ENO4: variants seen among roughly 807,000 people sequenced by gnomAD.
ENO4 encodes the protein enolase 4.
A neutral mutation model predicts 63.2 loss-of-function variants in ENO4; 53 were observed. The observed-to-expected ratio is 0.84, with a 90% CI of 0.67 to 1.05. The LOEUF is 1.05. Among genes scored for constraint, ENO4 ranks in the 50% least tolerant of loss-of-function variants. The pLI is 0.00. For synonymous variants in ENO4, 266 were observed against 283.8 expected, an observed-to-expected ratio of 0.94 and a Z score of 0.63; for missense variants, 719 against 772.0, an observed-to-expected ratio of 0.93 and a Z score of 0.81.
downstream of ENO4, among the ~76,000 whole-genome samples, chr10:116,887,114 G>T (rs147090502): frequency 6.6e-6 from 1 of 152,172 alleles, no homozygotes; most frequent in Admixed American, 6.5e-5. Flanking sequence ...ACTTCAGGAG[G>T]GGGTGGTGGT....
chr10:116,862,807 G>A lies in ENO4; in HGVS notation c.945G>A (p.Glu315=). 3.2e-6 allele frequency: 5 copies of A among 1,549,766 alleles called. No individual in the cohort carries two copies. The highest frequency in any genetic ancestry group is 4.4e-6 in the Non-Finnish European group (5 of 1,146,298). ...HPELTTKQGV[E]MLMEMQKHIN... is the part of the protein sequence containing the mutation. Reference sequence around the variant, plus strand: ...GGTTGTTCTACTTACAGGGTGTCGAGATGCTTATGGAAATGCAGAAACATA... The same window carrying A: ...GGTTGTTCTACTTACAGGGTGTCGAAATGCTTATGGAAATGCAGAAACATA... The change falls in exon 7 of 14, where the codon GAG becomes GAA. Residue 315 remains glutamate (E), a synonymous_variant. Coordinates refer to ENST00000341276, the MANE Select transcript of ENO4 (RefSeq NM_001242699.2).
chr10:116,899,998 A>C (rs1230424826), intron 10 of ENO4, among the ~76,000 whole-genome samples: 1 of 152,248 alleles, frequency 6.6e-6, no homozygotes, highest in Non-Finnish European at 1.5e-5. Flanking sequence ...AAAGGTTTAA[A>C]CATTAAATGA....
rs1846340242 is a variant in ENO4 at position 116,858,975 on chromosome 10, T to A, written c.486-15T>A. On this transcript the variant is annotated splice_polypyrimidine_tract_variant and intron_variant, in intron 3 of 13. Coordinates refer to ENST00000341276, the MANE Select transcript of ENO4 (RefSeq NM_001242699.2). ...TAAATATCCCACTGTAAAGCCATATTTTCTTGCTATTAAGGATATTCTTCG... is the reference window on the plus strand; with the variant it reads ...TAAATATCCCACTGTAAAGCCATATATTCTTGCTATTAAGGATATTCTTCG... 1 of 1,515,738 alleles carries A rather than the reference T, an allele frequency of 6.6e-7. No individual in the cohort carries two copies. Among genetic ancestry groups the A allele is most frequent in the African/African-American group, 1.4e-5 (1 of 72,596 alleles). The allele number at this position is 1,515,738 out of a possible 1,614,324, so 93.9% of individuals were successfully genotyped here.
Position 116,860,963 on chromosome 10 carries a change from GGTTA to G in ENO4, c.804+3_804+6del. 6.5e-7 allele frequency: 1 copy of G among 1,538,042 alleles called. No homozygotes were observed. The highest frequency in any genetic ancestry group is 1.2e-5 in the South Asian group (1 of 82,584). On this transcript the variant is annotated splice_donor_variant and splice_donor_region_variant and intron_variant, in intron 5 of 13. Coordinates refer to ENST00000341276, the MANE Select transcript of ENO4 (RefSeq NM_001242699.2). LOFTEE classifies it high-confidence loss of function. ...ATATCGCTCTACTGAAGCACAATCA[GGTTA>G]GTATCTATGAAGTTCCATTAAAAGG... is the stretch of plus-strand genomic sequence containing the variant.
At chr10:116,891,904 G>C (rs919705753) in intron 10 of ENO4, among the ~76,000 whole-genome samples, 3 of 152,066 alleles carry the variant, frequency 2.0e-5, no homozygotes, top group Non-Finnish European at 4.4e-5. Context: ...CTTCATTTTA[G>C]CTCAAAGAAC....
At chr10:116,855,092 A>C (rs574393394) in intron 1 of ENO4, among the ~76,000 whole-genome samples, 2 of 152,144 alleles carry the variant, frequency 1.3e-5, no homozygotes, top group Non-Finnish European at 2.9e-5. Context: ...CAAGAGATTG[A>C]GACTATCCTG....
chr10:116,849,707 G>A lies in ENO4; in HGVS notation c.141G>A (p.Gln47=), dbSNP rs1226078684. ...EELLNSTFYL[Q]PADVYGHLAN... Reference sequence around the variant, plus strand: ...TGCTCAACTCCACCTTCTACCTCCAGCCTGCCGACGTCTACGGGCACCTGG... The same window carrying A: ...TGCTCAACTCCACCTTCTACCTCCAACCTGCCGACGTCTACGGGCACCTGG... Residue 47 remains glutamine, a synonymous_variant, in exon 1 of 14, where the codon CAG becomes CAA. Coordinates refer to ENST00000341276, the MANE Select transcript of ENO4 (RefSeq NM_001242699.2). The A allele has an allele frequency of 1.1e-5, 17 of 1,535,900 alleles. No individual in the cohort carries two copies. The highest frequency in any genetic ancestry group is 1.4e-5 in the Non-Finnish European group (16 of 1,139,626).
Position 116,881,998 on chromosome 10 carries a change from A to G in ENO4, c.*329A>G. The G allele has an allele frequency of 5.1e-6, 1 of 197,712 alleles. No homozygotes were observed. 12.2% of individuals were successfully genotyped at this position (197,712 alleles called of 1,614,324 possible). On this transcript the variant is annotated 3_prime_UTR_variant, in exon 14 of 14. Transcript: ENST00000341276. ...TCAGTCAAACACCCCATCCTTTACCAATCAGAATATCTCTGAGAACAAAAA... is the reference window on the plus strand; with the variant it reads ...TCAGTCAAACACCCCATCCTTTACCGATCAGAATATCTCTGAGAACAAAAA...
At chr10:116,878,673 CTAATT>C (rs1038880283) in intron 11 of ENO4, among the ~76,000 whole-genome samples, 1 of 150,772 alleles carries the variant, frequency 6.6e-6, no homozygotes, top group South Asian at 2.1e-4. Flanking sequence ...ATGTGTCAAT[CTAATT>C]TGAGCATCCC....
intron 8 of ENO4, among the ~76,000 whole-genome samples, chr10:116,870,548 GGAGGATGACTTCAGCCTGGGGAAGTC>G (rs1241819256): frequency 1.3e-5 from 2 of 152,180 alleles, no homozygotes; most frequent in Non-Finnish European, 1.5e-5. Flanking sequence ...GGTTGAGAAA[GGAGGATGACTTCAGCCTGGGGAAGTC>G]GAGGCTGCAG....
rs1266395769 is a variant in ENO4, at chr10:116,900,787, A to G, written c.1195-10712A>G. The G allele has an allele frequency of 3.0e-6, 3 of 985,266 alleles. No individual in the cohort carries two copies. The African/African-American group carries it at 5.2e-5, about 17-fold the overall frequency. 61.0% of individuals were successfully genotyped at this position (985,266 alleles called of 1,614,324 possible). A position where few individuals can be genotyped will look rare whatever the true frequency, so the allele number is the denominator to read the frequency against. ...AAGGAAACACATGACTACAGGAGAA[A>G]ATGTGCTTTTAAACACAGTGAAATT... is the stretch of plus-strand genomic sequence containing the variant. On this transcript the variant is annotated intron_variant, in intron 10 of 10. Transcript: ENST00000369207.
At chr10:116,856,984 G>C (rs1465733863) in intron 3 of ENO4, among the ~76,000 whole-genome samples, 1 of 125,422 alleles carries the variant, frequency 8.0e-6, no homozygotes, top group East Asian at 2.5e-4. Flanking sequence ...GCGAGACTCT[G>C]TATCAAAAAA....
At chr10:116,901,129 G>T (rs530379525) in intron 10 of ENO4, 1 of 985,262 alleles carries the variant, frequency 1.0e-6, no homozygotes, top group Non-Finnish European at 1.2e-6. Context: ...CCTGGCAAGA[G>T]AACTAAAGCA....
chr10:116,868,626 A>C lies in ENO4; in HGVS notation c.991-24A>C, dbSNP rs1458939871. Reference sequence around the variant, plus strand: ...AGCCATGCTAAAAATTCCAGGTGATACATTTTTATCTTCTGCCCCACAGCC... The same window carrying C: ...AGCCATGCTAAAAATTCCAGGTGATCCATTTTTATCTTCTGCCCCACAGCC... On this transcript the variant is annotated intron_variant, in intron 7 of 13. Transcript: ENST00000341276. The C allele has an allele frequency of 2.6e-6, 4 of 1,549,206 alleles. No homozygotes were observed. In the Admixed American group the frequency reaches 7.8e-5, roughly 30 times the overall value.
At chr10:116,898,080 C>T (rs901358756) in intron 10 of ENO4, among the ~76,000 whole-genome samples, 3 of 152,116 alleles carry the variant, frequency 2.0e-5, no homozygotes, top group Admixed American at 6.5e-5. Flanking sequence ...GTAATCCCAG[C>T]ACTTTGGGAG....
rs1291540916 is a variant in ENO4 at position 116,868,675 on chromosome 10, A to G, written c.1016A>G (p.Lys339Arg). Residue 339 changes from lysine (K) to arginine (R), a missense_variant, in exon 8 of 14, where the codon AAA becomes AGA. By Grantham distance (26) the Lys-to-Arg change is conservative. This residue lies in a region of ENO4 where 544 missense variants were observed against 583.6 expected (regional missense o/e 0.93). Transcript: ENST00000341276. ...EMPSPPKAET[K>R]KGHDGSKRGQ... The stretch of plus-strand genomic sequence containing the variant: ...CCCTCTCCTCCAAAAGCAGAGACAA[A>G]AAAAGGGCACGATGGAAGCAAAAGA... 3 of 1,550,458 alleles carry G rather than the reference A, an allele frequency of 1.9e-6. No homozygotes were observed. Among genetic ancestry groups the G allele is most frequent in the Non-Finnish European group, 2.6e-6 (3 of 1,146,990 alleles).
At chr10:116,872,279 G>A (rs148050036) in intron 9 of ENO4, among the ~76,000 whole-genome samples, 391 of 152,256 alleles carry the variant, frequency 2.6e-3, no homozygotes, top group Non-Finnish European at 4.6e-3. Context: ...TGGGAAACTG[G>A]TATGTTAGGA....
chr10:116,852,242 T>C (rs558726685), intron 1 of ENO4, among the ~76,000 whole-genome samples: 1 of 152,196 alleles, frequency 6.6e-6, no homozygotes, highest in Non-Finnish European at 1.5e-5. Context: ...TGCAGAACTG[T>C]GAGTCAATTA....
chr10:116,879,889 G>A lies in ENO4; in HGVS notation c.1626G>A (p.Arg542=). ...TTCAGGCTGTTGGGCTTGGTGTCCG[G>A]TTCATCAAGTTGGGGGGTCTTTCCC... ...LVDLAVGLGV[R]FIKLGGLSRG... is the part of the protein sequence containing the mutation. The change falls in exon 13 of 14, where the codon CGG becomes CGA. Residue 542 remains arginine, a synonymous_variant. Coordinates refer to ENST00000341276, the MANE Select transcript of ENO4 (RefSeq NM_001242699.2). 6.5e-7 allele frequency: 1 copy of A among 1,550,334 alleles called. No homozygotes were observed. Among genetic ancestry groups the A allele is most frequent in the Non-Finnish European group, 8.7e-7 (1 of 1,146,888 alleles).
Sources: gnomAD v4.1 joint callset for allele counts (sites outside exome capture counted in the v4.1 genomes callset) on GRCh38, gnomAD v4.1.1 for gene constraint, gnomAD v4.1.1 regional missense constraint, MANE v1.5 for transcripts, NCBI Gene and HGNC (gene_info 2026-07-23, HGNC 2026-07-21) for gene names.